The following GPC6 variants were observed in gnomAD, a reference collection of about 807,000 sequenced individuals.
The protein encoded by GPC6 is glypican 6, also known as glypican-6.
GPC6 carries 14 observed loss-of-function variants against 55.2 expected under a neutral mutation model. The ratio of observed to expected loss-of-function variants is 0.25; its 90% CI spans 0.17 to 0.40. The LOEUF is 0.40. Among genes scored for constraint, GPC6 ranks in the 10% least tolerant of loss-of-function variants. GPC6 has a pLI of 1.00. For missense variants in GPC6, 641 were observed against 708.5 expected (o/e 0.90, Z 1.08); for synonymous variants, 278 against 259.6 (o/e 1.07, Z -0.68).
chr13:93,854,876 A>G (rs1373620884), intron 3 of GPC6, among the ~76,000 whole-genome samples: 1 of 143,760 alleles, frequency 7.0e-6, no homozygotes, highest in Non-Finnish European at 1.5e-5. Context: ...ATTCTTTTTC[A>G]GAGCAGTTTT....
intron 4 of GPC6, among the ~76,000 whole-genome samples, chr13:94,124,850 T>C (rs1031606481): frequency 1.3e-5 from 2 of 152,062 alleles, no homozygotes; most frequent in African/African-American, 4.8e-5. Flanking sequence ...AAGCCTATCA[T>C]TTTTCCATTT....
chr13:93,337,574 G>A (rs1310772475), intron 1 of GPC6, among the ~76,000 whole-genome samples: 3 of 152,022 alleles, frequency 2.0e-5, no homozygotes, highest in Non-Finnish European at 4.4e-5. Context: ...GACAGGATAT[G>A]GTAGAGGCTC....
intron 1 of GPC6, among the ~76,000 whole-genome samples, chr13:93,242,993 C>A (rs976181527): frequency 6.6e-6 from 1 of 152,168 alleles, no homozygotes; most frequent in Admixed American, 6.5e-5. Flanking sequence ...CAGTATGGCA[C>A]CTGCTACTAC....
At chr13:93,239,028 A>G (rs1182050791) in intron 1 of GPC6, among the ~76,000 whole-genome samples, 1 of 152,024 alleles carries the variant, frequency 6.6e-6, no homozygotes, top group South Asian at 2.1e-4. Context: ...TATGTTCATC[A>G]GAGATCTCAG....
chr13:93,791,344 TA>T (rs1219540819), intron 2 of GPC6, among the ~76,000 whole-genome samples: 7 of 152,242 alleles, frequency 4.6e-5, no homozygotes, highest in Non-Finnish European at 1.0e-4. Flanking sequence ...CTTTACTTTT[TA>T]AAACTTTTGT....
At chr13:93,262,156 T>C (rs1490597584) in intron 1 of GPC6, among the ~76,000 whole-genome samples, 2 of 152,156 alleles carry the variant, frequency 1.3e-5, no homozygotes, top group African/African-American at 2.4e-5. Flanking sequence ...TGAAACATTT[T>C]CTTGGCTTAT....
In GPC6 at chr13:94,306,139, T is replaced by C. The variant is rs544307048; in HGVS notation, c.1152+16T>C. ...GGACCGGCTGGTGAGTATTCACAGA[T>C]TGATAACCATGGCGGATGCTTTGTT... is the stretch of plus-strand genomic sequence containing the variant. On this transcript the variant is annotated intron_variant, in intron 6 of 8. Coordinates refer to ENST00000377047, the MANE Select transcript of GPC6 (RefSeq NM_005708.5). The C allele has an allele frequency of 1.9e-6, 3 of 1,613,650 alleles. No homozygotes were observed. The highest frequency in any genetic ancestry group is 4.5e-5 in the East Asian group (2 of 44,880).
chr13:93,545,411 G>A lies in GPC6; in HGVS notation c.309G>A (p.Lys103=), dbSNP rs1874730617. The part of the protein sequence containing the change: ...FVRTTFVSRH[K]KFDEFFRELL... ...GCACCACTTTTGTGTCCAGGCATAA[G>A]AAATTTGACGGTAGGTGAAATGGTT... The change falls in exon 2 of 9, where the codon AAG becomes AAA. Residue 103 remains lysine (K), a synonymous_variant. Coordinates refer to ENST00000377047, the MANE Select transcript of GPC6 (RefSeq NM_005708.5). 6.2e-7 allele frequency: 1 copy of A among 1,613,570 alleles called. No homozygotes were observed. Among genetic ancestry groups the A allele is most frequent in the Middle Eastern group, 1.7e-4 (1 of 6,060 alleles).
chr13:93,878,867 G>C (rs1289360522), intron 3 of GPC6, among the ~76,000 whole-genome samples: 1 of 152,032 alleles, frequency 6.6e-6, no homozygotes, highest in Non-Finnish European at 1.5e-5. Flanking sequence ...TGTTATATCA[G>C]CACAAATCGA....
At chr13:93,573,042 A>G (rs1337380034) in intron 2 of GPC6, among the ~76,000 whole-genome samples, 1 of 152,116 alleles carries the variant, frequency 6.6e-6, no homozygotes, top group African/African-American at 2.4e-5. Flanking sequence ...ATTTCAAGTC[A>G]TAATAGCAAG....
intron 1 of GPC6, among the ~76,000 whole-genome samples, chr13:93,354,656 A>G (rs1880778667): frequency 6.6e-6 from 1 of 151,458 alleles, no homozygotes; most frequent in South Asian, 2.1e-4. Context: ...GAGCCACCGC[A>G]CCCAGCCTTC....
chr13:93,642,498 T>C (rs924442296), intron 2 of GPC6, among the ~76,000 whole-genome samples: 2 of 152,108 alleles, frequency 1.3e-5, no homozygotes, highest in Non-Finnish European at 2.9e-5. Flanking sequence ...TTTATTGTCC[T>C]TTGGGTATAC....
At chr13:93,468,389 A>G (rs1218203046) in intron 1 of GPC6, among the ~76,000 whole-genome samples, 1 of 152,002 alleles carries the variant, frequency 6.6e-6, no homozygotes, top group African/African-American at 2.4e-5. Flanking sequence ...TTTCTTTTAT[A>G]AAAAAGAGTT....
upstream of GPC6, among the ~76,000 whole-genome samples, chr13:93,223,019 CTTTT>C (rs3073915): frequency 8.2e-3 from 825 of 100,780 alleles, 13 homozygotes; most frequent in African/African-American, 0.027. Flanking sequence ...AGGGAAAACA[CTTTT>C]TTTTTTTTTT....
At chr13:94,213,390 A>T (rs1890139897) in intron 4 of GPC6, among the ~76,000 whole-genome samples, 1 of 152,246 alleles carries the variant, frequency 6.6e-6, no homozygotes, top group Non-Finnish European at 1.5e-5. Context: ...CAAGAACTTT[A>T]TGCACGCTTC....
rs1268072302 is a variant in GPC6, at chr13:93,951,492, A to C, written c.712-76237A>C. Among the ~76,000 whole-genome samples, 14 of 152,192 alleles carry C rather than the reference A, an allele frequency of 9.2e-5. 1 individual carries two copies. The highest frequency in any genetic ancestry group is 3.4e-4 in the African/African-American group (14 of 41,454). ...TGAATGAATGAATGAATGAATGCTT[A>C]AACAAACAAAAAATATCCAGACCTA... On this transcript the variant is annotated intron_variant, in intron 3 of 8. Coordinates refer to ENST00000377047, the MANE Select transcript of GPC6 (RefSeq NM_005708.5).
intron 4 of GPC6, among the ~76,000 whole-genome samples, chr13:94,060,818 C>T (rs1884296369): frequency 1.3e-5 from 2 of 152,252 alleles, no homozygotes; most frequent in East Asian, 1.9e-4. Context: ...TAATACCATA[C>T]AAACTTTTTT....
chr13:94,043,031 G>GTACAT (rs2138742078), intron 4 of GPC6, among the ~76,000 whole-genome samples: 1 of 151,832 alleles, frequency 6.6e-6, no homozygotes, highest in African/African-American at 2.4e-5. Context: ...TTCCAGGTTT[G>GTACAT]TACATTGGGA....
intron 1 of GPC6, among the ~76,000 whole-genome samples, chr13:93,352,444 G>T (rs1158041556): frequency 6.6e-6 from 1 of 152,104 alleles, no homozygotes; most frequent in Non-Finnish European, 1.5e-5. Context: ...TCAAACAATT[G>T]AAATTCTATT....
Sources: gnomAD v4.1 joint callset for allele counts (sites outside exome capture counted in the v4.1 genomes callset) on GRCh38, gnomAD v4.1.1 for gene constraint, MANE v1.5 for transcripts, NCBI Gene and HGNC (gene_info 2026-07-23, HGNC 2026-07-21) for gene names.